SLC7A5: variants seen among roughly 807,000 people sequenced by gnomAD.
SLC7A5 encodes the protein large neutral amino acids transporter small subunit 1.
SLC7A5 carries 23 observed loss-of-function variants against 50.2 expected under a neutral mutation model. That is an observed-to-expected ratio of 0.46 (90% CI 0.33 to 0.65). The LOEUF (loss-of-function observed/expected upper bound fraction) is 0.65. SLC7A5 is among the 30% of genes least tolerant of loss of function. SLC7A5 has a pLI of 0.02. For missense variants in SLC7A5, 578 were observed against 684.4 expected (o/e 0.84, Z 1.73); for synonymous variants, 393 against 330.6 (o/e 1.19, Z -2.05).
rs968109324 is a variant in SLC7A5, at chr16:87,862,389, C to A, written c.538+6496G>T. 6.6e-6 allele frequency among the ~76,000 whole-genome samples: 1 copy of A among 152,232 alleles called. No homozygotes were observed. Among genetic ancestry groups the A allele is most frequent in the Non-Finnish European group, 1.5e-5 (1 of 68,040 alleles). On this transcript the variant is annotated intron_variant, in intron 1 of 9. Coordinates refer to ENST00000261622, the MANE Select transcript of SLC7A5 (RefSeq NM_003486.7). The surrounding 1 kb of genome is among the most constrained non-coding windows in gnomAD (Gnocchi z 5.3). ...AAGCCCACAGCCATCAAAACCCACCCCTTACACCCTTCACCCTTTAGGGAG... is the reference window on the plus strand; with the variant it reads ...AAGCCCACAGCCATCAAAACCCACCACTTACACCCTTCACCCTTTAGGGAG...
intron 1 of SLC7A5, among the ~76,000 whole-genome samples, chr16:87,864,865 G>A (rs532586688): frequency 2.5e-4 from 38 of 152,286 alleles, no homozygotes; most frequent in African/African-American, 7.0e-4. Context: ...AAGATTATGC[G>A]AGTAAACAAG....
chr16:87,838,291 CTTT>C (rs58144270), intron 6 of SLC7A5, among the ~76,000 whole-genome samples: 1 of 120,064 alleles, frequency 8.3e-6, no homozygotes, highest in Admixed American at 8.7e-5. Flanking sequence ...TTGCTGCTGC[CTTT>C]TTTTTTTTTT....
At chr16:87,840,395 GA>G in intron 4 of SLC7A5, 33 bp downstream of exon 4, 1 of 1,581,904 alleles carries the variant, frequency 6.3e-7, no homozygotes, top group Non-Finnish European at 8.7e-7. Flanking sequence ...TTAAAATAAT[GA>G]AAAAAGACGG....
chr16:87,845,663 C>T (rs74319154), intron 2 of SLC7A5, among the ~76,000 whole-genome samples: 1,925 of 152,186 alleles, frequency 0.013, 18 homozygotes, highest in Non-Finnish European at 0.021. Context: ...TGGCGGCAAC[C>T]AGATGGCACT....
chr16:87,847,858 C>T (rs1381148325), intron 2 of SLC7A5, among the ~76,000 whole-genome samples: 7 of 152,318 alleles, frequency 4.6e-5, no homozygotes, highest in African/African-American at 1.7e-4. Context: ...TCACGTGACA[C>T]ACAAATGCAG....
Position 87,833,872 on chromosome 16 carries a change from T to C in SLC7A5, c.1468+542A>G, listed in dbSNP as rs1426375896. Among the ~76,000 whole-genome samples the C allele has an allele frequency of 7.1e-6, 1 of 140,888 alleles. No homozygotes were observed. Among genetic ancestry groups the C allele is most frequent in the Non-Finnish European group, 1.5e-5 (1 of 65,682 alleles). The allele number at this position is 140,888 out of a possible 152,430, so 92.4% of individuals were successfully genotyped here. A position where few individuals can be genotyped will look rare whatever the true frequency, so the allele number is the denominator to read the frequency against. On this transcript the variant is annotated intron_variant, in intron 9 of 9. Transcript: ENST00000261622. This position sits in a 1 kb window ranked among gnomAD's most constrained non-coding sequence, Gnocchi z 6.0. ...CTCCTTCTGCCTTTTTTTTTTTTTT[T>C]GAGAAGAGTCTCGCTCTGTCGCCCA...
At position 87,862,022 on chromosome 16, in the gene SLC7A5, C is replaced by G. The variant is rs1231146586; in HGVS notation, c.538+6863G>C. Among the ~76,000 whole-genome samples, 1 of 152,224 alleles carries G rather than the reference C, an allele frequency of 6.6e-6. No individual in the cohort carries two copies. The highest frequency in any genetic ancestry group is 1.5e-5 in the Non-Finnish European group (1 of 68,044). ...ACACGCAGAACCTTTGCCAGCTGAG[C>G]CAGGATCCCAGCTGTGGGGGGTTGG... On this transcript the variant is annotated intron_variant, in intron 1 of 9. Coordinates refer to ENST00000261622, the MANE Select transcript of SLC7A5 (RefSeq NM_003486.7). The surrounding 1 kb of genome is among the most constrained non-coding windows in gnomAD (Gnocchi z 5.3).
intron 1 of SLC7A5, among the ~76,000 whole-genome samples, chr16:87,859,629 G>A (rs1415759013): frequency 6.6e-6 from 1 of 152,176 alleles, no homozygotes; most frequent in East Asian, 1.9e-4. Flanking sequence ...AGGTACAGCG[G>A]ACCAGCACTA....
chr16:87,835,523 TCTGTCGTCCAGG>T (rs1400453968), intron 8 of SLC7A5, among the ~76,000 whole-genome samples: 1 of 152,258 alleles, frequency 6.6e-6, no homozygotes, highest in Non-Finnish European at 1.5e-5. Context: ...GGAGTCTCAC[TCTGTCGTCCAGG>T]CTGGAGTACA....
Position 87,861,833 on chromosome 16 carries a change from C to A in SLC7A5, c.538+7052G>T, listed in dbSNP as rs2143826416. Among the ~76,000 whole-genome samples the A allele has an allele frequency of 6.6e-6, 1 of 152,362 alleles. No individual in the cohort carries two copies. Among genetic ancestry groups the A allele is most frequent in the Middle Eastern group, 3.4e-3 (1 of 294 alleles). On this transcript the variant is annotated intron_variant, in intron 1 of 9. Coordinates refer to ENST00000261622, the MANE Select transcript of SLC7A5 (RefSeq NM_003486.7). This position sits in a 1 kb window ranked among gnomAD's most constrained non-coding sequence, Gnocchi z 4.2. ...GGCTCAGGTCATGTGCTTCTGTGAG[C>A]TCCCCCTACGGCCTTGCCCCGAATC...
chr16:87,845,485 A>G (rs1316220749), intron 2 of SLC7A5, among the ~76,000 whole-genome samples: 2 of 96,236 alleles, frequency 2.1e-5, no homozygotes, highest in Non-Finnish European at 4.0e-5. Context: ...CACCCCACAG[A>G]GTCCACGCCC....
intron 1 of SLC7A5, among the ~76,000 whole-genome samples, chr16:87,866,709 C>T (rs1385029193): frequency 3.9e-5 from 6 of 152,056 alleles, no homozygotes; most frequent in Admixed American, 6.6e-5. Context: ...TCAGGTGATC[C>T]GCCTGCCTCG....
intron 1 of SLC7A5, among the ~76,000 whole-genome samples, chr16:87,858,071 A>T (rs2055342869): frequency 6.6e-6 from 1 of 152,102 alleles, no homozygotes. Context: ...GGGTTTCCCA[A>T]GGGTCCTGAC....
chr16:87,834,675 G>T, intron 8 of SLC7A5, 84 bp from the exon 9 acceptor site: 1 of 1,410,526 alleles, frequency 7.1e-7, no homozygotes, highest in Non-Finnish European at 9.8e-7. Flanking sequence ...GCCCTCCTGG[G>T]CCCTCCACAC....
At chr16:87,844,907 G>A (rs565120780) in intron 2 of SLC7A5, among the ~76,000 whole-genome samples, 3 of 152,372 alleles carry the variant, frequency 2.0e-5, no homozygotes, top group Non-Finnish European at 2.9e-5. Context: ...GTCTCCGCAG[G>A]TGCAATTAGC....
Position 87,853,624 on chromosome 16 carries a change from C to T in SLC7A5, c.539-1775G>A, listed in dbSNP as rs771905288. On this transcript the variant is annotated intron_variant, in intron 1 of 9. Transcript: ENST00000261622. This position sits in a 1 kb window ranked among gnomAD's most constrained non-coding sequence, Gnocchi z 4.4. ...CCGCTGCACAGGGCAAGGGGCAGGT[C>T]CTGGCTTGCCAGTCCCATTTCCTTA... is the stretch of plus-strand genomic sequence containing the variant. Among the ~76,000 whole-genome samples the T allele has an allele frequency of 7.2e-5, 11 of 152,188 alleles. No individual in the cohort carries two copies. Among genetic ancestry groups the T allele is most frequent in the African/African-American group, 1.2e-4 (5 of 41,436 alleles).
At chr16:87,835,069 AC>A (rs2054981338) in intron 8 of SLC7A5, among the ~76,000 whole-genome samples, 1 of 152,168 alleles carries the variant, frequency 6.6e-6, no homozygotes, top group Non-Finnish European at 1.5e-5. Flanking sequence ...GATGAGCTCC[AC>A]CCGGCACAGA....
intron 1 of SLC7A5, among the ~76,000 whole-genome samples, chr16:87,857,867 C>T (rs147163098): frequency 5.3e-5 from 8 of 152,244 alleles, no homozygotes; most frequent in Non-Finnish European, 1.0e-4. Context: ...ACTGTCCTGG[C>T]TGGCACGGGG....
chr16:87,855,595 G>A (rs1186376297), intron 1 of SLC7A5, among the ~76,000 whole-genome samples: 2 of 151,974 alleles, frequency 1.3e-5, no homozygotes, highest in African/African-American at 2.4e-5. Flanking sequence ...GCTCACCTCT[G>A]CGGCAGCCGG....
Sources: allele counts gnomAD v4.1 joint callset (sites outside exome capture counted in the v4.1 genomes callset), GRCh38; gene constraint gnomAD v4.1.1; non-coding constraint Gnocchi (gnomAD v3.1); transcripts MANE v1.5; gene names NCBI Gene and HGNC (gene_info 2026-07-23, HGNC 2026-07-21).